Variants in STARD13 observed in about 807,000 individuals in gnomAD.
The protein encoded by STARD13 is StAR related lipid transfer domain containing 13, also known as stAR-related lipid transfer protein 13.
STARD13 carries 62 observed loss-of-function variants against 106.4 expected under a neutral mutation model. The ratio of observed to expected loss-of-function variants is 0.58; its 90% CI spans 0.48 to 0.72. STARD13 has a LOEUF of 0.72. STARD13 is among the 30% of genes least tolerant of loss of function. The probability of loss-of-function intolerance (pLI) is 0.00; values close to 1 mark genes in which losing one functional copy is unlikely to be tolerated. For missense variants in STARD13, 1,387 were observed against 1,424.0 expected (o/e 0.97, Z 0.42); for synonymous variants, 565 against 553.0 (o/e 1.02, Z -0.31).
chr13:33,661,940 A>C, the STARD13 span, among the ~76,000 whole-genome samples: 4 of 152,178 alleles, frequency 2.6e-5, no homozygotes, highest in East Asian at 5.8e-4. Flanking sequence ...TCTAATATAC[A>C]TATAGGTTCA....
chr13:33,461,947 C>G, the STARD13 span, among the ~76,000 whole-genome samples: 1 of 152,098 alleles, frequency 6.6e-6, no homozygotes, highest in Non-Finnish European at 1.5e-5. Context: ...CAAAATGGAA[C>G]TATATGATTT....
chr13:33,166,318 AT>A (rs562637399), intron 2 of STARD13, among the ~76,000 whole-genome samples: 7 of 151,850 alleles, frequency 4.6e-5, no homozygotes, highest in African/African-American at 1.4e-4. Flanking sequence ...GACACTTGTG[AT>A]TTTTTTTCAT....
chr13:33,122,411 G>A (rs537993923), intron 7 of STARD13, among the ~76,000 whole-genome samples: 1 of 152,292 alleles, frequency 6.6e-6, no homozygotes, highest in African/African-American at 2.4e-5. Context: ...CCATGGACGG[G>A]CAGCCTGGGC....
At chr13:33,583,748 T>C in the STARD13 span, among the ~76,000 whole-genome samples, 1 of 152,182 alleles carries the variant, frequency 6.6e-6, no homozygotes, top group Non-Finnish European at 1.5e-5. Flanking sequence ...CACATGCCAC[T>C]GTACCCAAAC....
At chr13:33,437,104 A>G in the STARD13 span, among the ~76,000 whole-genome samples, 4 of 152,224 alleles carry the variant, frequency 2.6e-5, no homozygotes, top group Non-Finnish European at 4.4e-5. Flanking sequence ...GAAATCCACA[A>G]GCAGACAGCC....
Position 33,256,864 on chromosome 13 carries a change from C to A in STARD13, c.169+28606G>T, listed in dbSNP as rs559485435. Among the ~76,000 whole-genome samples the A allele has an allele frequency of 3.3e-5, 5 of 152,232 alleles. No individual in the cohort carries two copies. In the South Asian group the frequency reaches 1.0e-3, roughly 32 times the overall value. ...ATTTTTAAAGTTGAAAGTAAATAGACAAGTTTCTGTATTTGAACCACAATG... is the reference window on the plus strand; with the variant it reads ...ATTTTTAAAGTTGAAAGTAAATAGAAAAGTTTCTGTATTTGAACCACAATG... On this transcript the variant is annotated intron_variant, in intron 1 of 13. Transcript: ENST00000336934.
At chr13:33,460,449 C>T in the STARD13 span, among the ~76,000 whole-genome samples, 1 of 151,378 alleles carries the variant, frequency 6.6e-6, no homozygotes, top group South Asian at 2.1e-4. Context: ...CGAGATAGTG[C>T]CACTGCACTC....
chr13:33,431,101 AT>A, the STARD13 span, among the ~76,000 whole-genome samples: 4 of 152,238 alleles, frequency 2.6e-5, no homozygotes, highest in African/African-American at 9.6e-5. Context: ...AAGACACATA[AT>A]TAAGGTCATG....
chr13:33,307,811 TTAAAA>T (rs1299411431), intron 1 of STARD13, among the ~76,000 whole-genome samples: 4 of 152,278 alleles, frequency 2.6e-5, no homozygotes, highest in East Asian at 1.9e-4. Flanking sequence ...ATCCTGGAAC[TTAAAA>T]TAAAATAAAA....
intron 4 of STARD13, among the ~76,000 whole-genome samples, chr13:33,140,064 T>G (rs1373626849): frequency 6.6e-6 from 1 of 152,236 alleles, no homozygotes; most frequent in Non-Finnish European, 1.5e-5. Flanking sequence ...ATATAAAGAC[T>G]ACATTAAGGT....
the STARD13 span, among the ~76,000 whole-genome samples, chr13:33,392,849 TCA>T: frequency 6.6e-6 from 1 of 152,246 alleles, no homozygotes; most frequent in Non-Finnish European, 1.5e-5. Flanking sequence ...CTCATGTGGG[TCA>T]CCTTTCAACT....
the STARD13 span, among the ~76,000 whole-genome samples, chr13:33,422,202 A>C: frequency 6.6e-6 from 1 of 152,192 alleles, no homozygotes; most frequent in Admixed American, 6.6e-5. Context: ...AAACCCCATC[A>C]TCTCAGCCCA....
At chr13:33,595,132 A>G in the STARD13 span, among the ~76,000 whole-genome samples, 764 of 152,344 alleles carry the variant, frequency 5.0e-3, 3 homozygotes, top group Non-Finnish European at 9.4e-3. Context: ...ACATTTTACC[A>G]TTTCCACTTC....
the STARD13 span, among the ~76,000 whole-genome samples, chr13:33,542,993 ACT>A: frequency 1.3e-5 from 2 of 152,104 alleles, no homozygotes; most frequent in African/African-American, 4.8e-5. Context: ...CTTTGTGGCG[ACT>A]CTGAAGCGGA....
chr13:33,567,577 G>T, the STARD13 span, among the ~76,000 whole-genome samples: 8 of 147,984 alleles, frequency 5.4e-5, no homozygotes, highest in Non-Finnish European at 9.0e-5. Flanking sequence ...AGTTTTCCAT[G>T]AATCAAACCC....
chr13:33,483,758 T>C, the STARD13 span, among the ~76,000 whole-genome samples: 1 of 152,134 alleles, frequency 6.6e-6, no homozygotes, highest in African/African-American at 2.4e-5. Context: ...TCTCTCATGT[T>C]CCTCTGCTGA....
At chr13:33,607,444 G>A in the STARD13 span, among the ~76,000 whole-genome samples, 10 of 151,680 alleles carry the variant, frequency 6.6e-5, no homozygotes, top group East Asian at 1.9e-4. Context: ...CTACAGGTGC[G>A]TGCCACCACA....
the STARD13 span, among the ~76,000 whole-genome samples, chr13:33,387,287 C>T: frequency 1.3e-5 from 2 of 152,104 alleles, no homozygotes; most frequent in African/African-American, 2.4e-5. Flanking sequence ...TACAGAAGTG[C>T]GCCACTGAGA....
At chr13:33,410,605 C>T in the STARD13 span, among the ~76,000 whole-genome samples, 6 of 152,188 alleles carry the variant, frequency 3.9e-5, no homozygotes, top group African/African-American at 1.4e-4. Context: ...AGGGTCTTCT[C>T]CTACAAAAGG....
Sources: allele counts gnomAD v4.1 joint callset (sites outside exome capture counted in the v4.1 genomes callset), GRCh38; gene constraint gnomAD v4.1.1; transcripts MANE v1.5; gene names NCBI Gene and HGNC (gene_info 2026-07-23, HGNC 2026-07-21).